Variants in ARHGAP40 observed in about 807,000 individuals in gnomAD.
The protein encoded by ARHGAP40 is rho GTPase-activating protein 40.
ARHGAP40 carries 43 observed loss-of-function variants against 73.5 expected under a neutral mutation model. The observed-to-expected ratio is 0.58, with a 90% confidence interval of 0.46 to 0.75. The LOEUF (loss-of-function observed/expected upper bound fraction) is 0.75, where lower values mean the gene tolerates loss of function less well. Among genes scored for constraint, ARHGAP40 ranks in the 30% least tolerant of loss-of-function variants. The pLI is 0.00. For missense variants in ARHGAP40, 734 were observed against 861.8 expected (o/e 0.85, Z 1.86); for synonymous variants, 300 against 352.8 (o/e 0.85, Z 1.68).
chr20:38,610,523 T>C (rs2088798117), intron 1 of ARHGAP40, among the ~76,000 whole-genome samples: 1 of 152,192 alleles, frequency 6.6e-6, no homozygotes, highest in Non-Finnish European at 1.5e-5. Context: ...GATTACAGTT[T>C]GGTTTTATGC....
At chr20:38,631,666 AGAG>A (rs1202720457) in intron 5 of ARHGAP40, among the ~76,000 whole-genome samples, 3 of 152,152 alleles carry the variant, frequency 2.0e-5, no homozygotes, top group Admixed American at 6.5e-5. Context: ...TGGTGCTCAG[AGAG>A]GAGAAGTGAC....
intron 5 of ARHGAP40, among the ~76,000 whole-genome samples, chr20:38,631,311 A>G (rs997848472): frequency 6.6e-5 from 10 of 151,814 alleles, no homozygotes; most frequent in South Asian, 2.1e-4. Flanking sequence ...ACCTAAAAAA[A>G]AAAAAAAAAA....
intron 1 of ARHGAP40, among the ~76,000 whole-genome samples, chr20:38,606,200 T>C (rs1480782324): frequency 6.6e-6 from 1 of 152,254 alleles, no homozygotes; most frequent in Non-Finnish European, 1.5e-5. Context: ...TGTTTCATTT[T>C]ATGACTGGAC....
chr20:38,632,267 A>AT lies in ARHGAP40; in HGVS notation c.784-2340dup, dbSNP rs35380499. Among the ~76,000 whole-genome samples, 494 of 139,766 alleles carry AT rather than the reference A, an allele frequency of 3.5e-3. 5 individuals carry two copies. In the East Asian group the frequency reaches 0.042, roughly 12 times the overall value. The allele number at this position is 139,766 out of a possible 152,430, so 91.7% of individuals were successfully genotyped here. A position where few individuals can be genotyped will look rare whatever the true frequency, so the allele number is the denominator to read the frequency against. The stretch of plus-strand genomic sequence containing the variant: ...GTATGAGCCACTGCACCCGGCCTAA[A>AT]TTTTTTTTTTTTTGAGACGGAGTCT... On this transcript the variant is annotated intron_variant, in intron 5 of 14. Transcript: ENST00000373345.
chr20:38,603,164 G>A (rs2088746120), intron 1 of ARHGAP40, among the ~76,000 whole-genome samples: 2 of 152,212 alleles, frequency 1.3e-5, no homozygotes, highest in Admixed American at 1.3e-4. Context: ...TCTGTACTCA[G>A]AAAGCAGATT....
intron 9 of ARHGAP40, among the ~76,000 whole-genome samples, chr20:38,640,439 G>T (rs2089011584): frequency 6.6e-6 from 1 of 152,052 alleles, no homozygotes; most frequent in Non-Finnish European, 1.5e-5. Flanking sequence ...CCAGGCTAGT[G>T]TCAAACTCCT....
chr20:38,647,027 G>T, exon 13 of ARHGAP40: 1 of 1,305,462 alleles, frequency 7.7e-7, no homozygotes, highest in Non-Finnish European at 1.0e-6. Context: ...CTCACCCCCA[G>T]CACCAAAGTG....
chr20:38,629,009 G>A lies in ARHGAP40; in HGVS notation c.634+7G>A, dbSNP rs370495268. ...GCCTCTAAGTTTCCTCCAGGTAAGT[G>A]GTCTTCATTCTCCAGGGCCCTGAGA... On this transcript the variant is annotated splice_region_variant and intron_variant, in intron 4 of 14. Coordinates refer to ENST00000373345, the Ensembl canonical transcript of ARHGAP40. 1.8e-5 allele frequency: 23 copies of A among 1,304,210 alleles called. No individual in the cohort carries two copies. In the African/African-American group the frequency reaches 3.0e-4, roughly 17 times the overall value. The allele number at this position is 1,304,210 out of a possible 1,614,324, so 80.8% of individuals were successfully genotyped here.
intron 5 of ARHGAP40, among the ~76,000 whole-genome samples, chr20:38,631,651 T>C (rs2088939181): frequency 1.3e-5 from 2 of 152,060 alleles, no homozygotes; most frequent in Non-Finnish European, 2.9e-5. Flanking sequence ...AGCCAAACCA[T>C]ATCATGGTGC....
At chr20:38,630,539 A>C (rs1448024263) in intron 5 of ARHGAP40, among the ~76,000 whole-genome samples, 1 of 152,062 alleles carries the variant, frequency 6.6e-6, no homozygotes, top group East Asian at 1.9e-4. Context: ...TTCCCAAAAT[A>C]TTCAGTTATC....
intron 1 of ARHGAP40, among the ~76,000 whole-genome samples, chr20:38,605,214 A>G (rs1480096418): frequency 8.5e-5 from 13 of 152,208 alleles, no homozygotes; most frequent in Non-Finnish European, 4.4e-5. Context: ...TGTTCATGAA[A>G]TATTTCCCTG....
intron 13 of ARHGAP40, among the ~76,000 whole-genome samples, chr20:38,648,012 G>A (rs1296501629): frequency 6.6e-6 from 1 of 152,132 alleles, no homozygotes; most frequent in African/African-American, 2.4e-5. Flanking sequence ...TCATTCCTAG[G>A]GTACAGGAAA....
intron 13 of ARHGAP40, 72 bp from the exon 14 acceptor site, chr20:38,648,571 C>T (rs149438989): frequency 0.018 from 22,000 of 1,219,710 alleles, 226 homozygotes; most frequent in Non-Finnish European, 0.021. Flanking sequence ...GGGGGCCATG[C>T]ACAGTTGTTG....
chr20:38,639,318 G>A (rs200460744), exon 9 of ARHGAP40: 2 of 1,305,516 alleles, frequency 1.5e-6, no homozygotes, highest in South Asian at 1.2e-5. Context: ...TTGCTCAAAA[G>A]GTTCATCCGG....
rs1214313990 is a variant in ARHGAP40 at position 38,650,475 on chromosome 20, A to C, written c.*627A>C. ...TTTCAGGATGAGGGGCTAGGGCCTC[A>C]GGGAGAGGAAGCCAAGATTGTAGCC... On this transcript the variant is annotated 3_prime_UTR_variant, in exon 15 of 15. Transcript: ENST00000373345. 2.3e-5 allele frequency: 11 copies of C among 470,638 alleles called. No homozygotes were observed. The Admixed American group carries it at 2.6e-4, about 11-fold the overall frequency. The allele number at this position is 470,638 out of a possible 1,614,324, so 29.2% of individuals were successfully genotyped here. A position where few individuals can be genotyped will look rare whatever the true frequency, so the allele number is the denominator to read the frequency against.
At chr20:38,623,256 C>A in intron 1 of ARHGAP40, 103 bp from the exon 2 acceptor site, 1 of 939,010 alleles carries the variant, frequency 1.1e-6, no homozygotes, top group Non-Finnish European at 1.4e-6. Flanking sequence ...TTGCTTAGCC[C>A]CCAGGGGCCC....
At chr20:38,638,679 T>C in intron 7 of ARHGAP40, 82 bp from the exon 8 acceptor site, 1 of 1,098,478 alleles carries the variant, frequency 9.1e-7, no homozygotes, top group African/African-American at 1.6e-5. Context: ...CTCTTTCTGA[T>C]TTTCATGGGA....
At chr20:38,612,726 GAAAA>G in intron 1 of ARHGAP40, among the ~76,000 whole-genome samples, 1 of 151,870 alleles carries the variant, frequency 6.6e-6, no homozygotes, top group Admixed American at 6.6e-5. Flanking sequence ...GGAAAGAAAA[GAAAA>G]GAAAGAAGGA....
intron 10 of ARHGAP40, 104 bp from the exon 11 acceptor site, chr20:38,643,600 C>A: frequency 1.0e-6 from 1 of 982,070 alleles, no homozygotes; most frequent in Non-Finnish European, 1.4e-6. Flanking sequence ...CAGCTCCTGG[C>A]TCCTTCCTAG....
Sources: gnomAD v4.1 joint callset for allele counts (sites outside exome capture counted in the v4.1 genomes callset) on GRCh38, gnomAD v4.1.1 for gene constraint, MANE v1.5 for transcripts, NCBI Gene and HGNC (gene_info 2026-07-23, HGNC 2026-07-21) for gene names.